The following TGFBR3 variants were observed in gnomAD, a reference collection of about 807,000 sequenced individuals.
TGFBR3 encodes the protein transforming growth factor beta receptor type 3.
Under a neutral mutation model 87.9 loss-of-function variants are expected in TGFBR3, and 46 were observed. That is an observed-to-expected ratio of 0.52 (90% CI 0.41 to 0.67). The LOEUF is 0.67. TGFBR3 is among the 30% of genes least tolerant of loss of function. The pLI is 0.00. For synonymous variants in TGFBR3, 381 were observed against 391.6 expected (o/e 0.97, Z 0.32); for missense variants, 866 against 1,041.9 (o/e 0.83, Z 2.32).
At chr1:91,739,832 A>G (rs1456726870) in intron 4 of TGFBR3, among the ~76,000 whole-genome samples, 1 of 152,220 alleles carries the variant, frequency 6.6e-6, no homozygotes, top group African/African-American at 2.4e-5. Flanking sequence ...CAGGAAACTT[A>G]CAATCATGGT....
At chr1:91,684,153 A>T (rs972846797) in intron 16 of TGFBR3, among the ~76,000 whole-genome samples, 1 of 152,224 alleles carries the variant, frequency 6.6e-6, no homozygotes, top group Non-Finnish European at 1.5e-5. Context: ...TTCAGGGTCC[A>T]CAACCTTTGA....
intron 3 of TGFBR3, among the ~76,000 whole-genome samples, chr1:91,771,745 A>G (rs910811828): frequency 6.6e-6 from 1 of 151,834 alleles, no homozygotes; most frequent in African/African-American, 2.4e-5. Context: ...CAAATAATAT[A>G]TGAATACTAC....
intron 14 of TGFBR3, among the ~76,000 whole-genome samples, chr1:91,702,441 T>A (rs1433986996): frequency 6.7e-6 from 1 of 149,598 alleles, no homozygotes; most frequent in East Asian, 2.0e-4. Context: ...GGTCAGGAGA[T>A]CAAGACCATC....
intron 16 of TGFBR3, among the ~76,000 whole-genome samples, chr1:91,694,186 T>A (rs1571412906): frequency 2.0e-5 from 3 of 152,206 alleles, no homozygotes; most frequent in Admixed American, 6.5e-5. Context: ...AGAGACATGG[T>A]TTCACTATGT....
chr1:91,704,340 A>AAG (rs1553160635), intron 14 of TGFBR3, among the ~76,000 whole-genome samples: 18 of 150,548 alleles, frequency 1.2e-4, no homozygotes, highest in East Asian at 9.8e-4. Flanking sequence ...AAAAAAAAAA[A>AAG]AAAGAAAGAA....
At chr1:91,692,389 T>G (rs1671296644) in intron 16 of TGFBR3, among the ~76,000 whole-genome samples, 1 of 151,684 alleles carries the variant, frequency 6.6e-6, no homozygotes, top group Non-Finnish European at 1.5e-5. Flanking sequence ...AGGGGTGTGA[T>G]TTTTTTTTCA....
In TGFBR3 at chr1:91,708,651, C is replaced by T. The variant is rs1422360942; in HGVS notation, c.2287+12G>A. 6.2e-7 allele frequency: 1 copy of T among 1,613,998 alleles called. No homozygotes were observed. The highest frequency in any genetic ancestry group is 8.5e-7 in the Non-Finnish European group (1 of 1,179,908). On this transcript the variant is annotated intron_variant, in intron 14 of 16. Transcript: ENST00000212355. ...CAGGCCCCATGCTCTGATCGTGCCT[C>T]CCAAAGCACACCTTTAGATTCTGCT...
At chr1:91,768,295 A>C (rs61023202) in intron 3 of TGFBR3, among the ~76,000 whole-genome samples, 2,394 of 152,208 alleles carry the variant, frequency 0.016, 60 homozygotes, top group African/African-American at 0.055. Flanking sequence ...TACAGCATCC[A>C]GAATCTGCTG....
intron 2 of TGFBR3, among the ~76,000 whole-genome samples, chr1:91,828,391 A>C (rs549466512): frequency 7.2e-5 from 11 of 152,248 alleles, no homozygotes; most frequent in Non-Finnish European, 1.3e-4. Flanking sequence ...CAGCCAAGAC[A>C]GGAAGGAAAC....
chr1:91,716,275 G>A lies in TGFBR3; in HGVS notation c.1827C>T (p.Gly609=), dbSNP rs114901303. 6.9e-4 allele frequency: 1,114 copies of A among 1,614,126 alleles called. 8 individuals carry two copies. The African/African-American group carries it at 0.012, about 18-fold the overall frequency. ...NTDLFLVPSQ[G]VFSVPENGHV... is the part of the protein sequence containing the mutation. ...GTCCATTCTCTGGCACAGAGAAGAC[G>A]CCCTGGGAGGGCACCAAAAAGAGGT... Residue 609 remains glycine (G), a synonymous_variant, in exon 12 of 17, where the codon GGC becomes GGT. Coordinates refer to ENST00000212355, the MANE Select transcript of TGFBR3 (RefSeq NM_003243.5).
At chr1:91,785,365 T>C (rs899892096) in intron 3 of TGFBR3, among the ~76,000 whole-genome samples, 1 of 152,226 alleles carries the variant, frequency 6.6e-6, no homozygotes, top group Non-Finnish European at 1.5e-5. Context: ...TGTTAATAGA[T>C]ACAAGGTTTC....
intron 3 of TGFBR3, among the ~76,000 whole-genome samples, chr1:91,763,298 T>C (rs897288968): frequency 6.6e-6 from 1 of 152,248 alleles, no homozygotes; most frequent in Non-Finnish European, 1.5e-5. Flanking sequence ...GCAAGGCAAC[T>C]GATATGCTAG....
chr1:91,865,567 G>A (rs1216359703), intron 1 of TGFBR3, among the ~76,000 whole-genome samples: 1 of 152,180 alleles, frequency 6.6e-6, no homozygotes, highest in Non-Finnish European at 1.5e-5. Context: ...AAAGGTAGGT[G>A]AACTTTGATG....
chr1:91,722,777 C>G (rs575099231), intron 7 of TGFBR3, among the ~76,000 whole-genome samples: 2 of 152,316 alleles, frequency 1.3e-5, no homozygotes, highest in African/African-American at 4.8e-5. Context: ...GGCTACAAAC[C>G]TGCACAGCAT....
chr1:91,900,727 T>C (rs1057281192), intron 1 of TGFBR3, among the ~76,000 whole-genome samples: 6 of 152,364 alleles, frequency 3.9e-5, no homozygotes, highest in South Asian at 2.1e-4. Flanking sequence ...ATTAATACTC[T>C]CTGGAAAATA....
intron 2 of TGFBR3, among the ~76,000 whole-genome samples, chr1:91,807,350 T>C (rs909071265): frequency 6.6e-6 from 1 of 152,174 alleles, no homozygotes; most frequent in Non-Finnish European, 1.5e-5. Flanking sequence ...CTTAGGCATA[T>C]CTTATCATGG....
intron 2 of TGFBR3, among the ~76,000 whole-genome samples, chr1:91,819,778 T>G (rs1676378837): frequency 1.3e-5 from 2 of 152,176 alleles, no homozygotes; most frequent in Admixed American, 6.5e-5. Context: ...ACTCTGCTTC[T>G]CTGCTCATGC....
At position 91,817,089 on chromosome 1, in the gene TGFBR3, T is replaced by C. The variant is rs1238034223; in HGVS notation, c.62-19618A>G. ...TCAGAATACAGTCTCCAATTATGCA[T>C]TTACTTCAAATAAGAACAATAACTT... On this transcript the variant is annotated intron_variant, in intron 2 of 16. Transcript: ENST00000212355. Among the ~76,000 whole-genome samples, 5 of 152,148 alleles carry C rather than the reference T, an allele frequency of 3.3e-5. No homozygotes were observed. The East Asian group carries it at 9.6e-4, about 29-fold the overall frequency.
In TGFBR3 at chr1:91,720,241, A is replaced by T; in HGVS notation, c.1076-11T>A. The stretch of plus-strand genomic sequence containing the variant: ...CTCCCATCTCCTCTGCTGGTGAAAG[A>T]AGAAGGCAAAACATCAGCAGTGTTT... On this transcript the variant is annotated splice_polypyrimidine_tract_variant and intron_variant, in intron 8 of 16. Transcript: ENST00000212355. 1 of 1,569,512 alleles carries T rather than the reference A, an allele frequency of 6.4e-7. No individual in the cohort carries two copies. Among genetic ancestry groups the T allele is most frequent in the South Asian group, 1.2e-5 (1 of 86,744 alleles).
Sources: gnomAD v4.1 joint callset for allele counts (sites outside exome capture counted in the v4.1 genomes callset) on GRCh38, gnomAD v4.1.1 for gene constraint, MANE v1.5 for transcripts, NCBI Gene and HGNC (gene_info 2026-07-23, HGNC 2026-07-21) for gene names.